CDC42BPA: variants seen among roughly 807,000 people sequenced by gnomAD.
CDC42BPA encodes serine/threonine-protein kinase MRCK alpha.
CDC42BPA carries 80 observed loss-of-function variants against 223.5 expected under a neutral mutation model. The ratio of observed to expected loss-of-function variants is 0.36; its 90% confidence interval spans 0.30 to 0.43. The LOEUF (loss-of-function observed/expected upper bound fraction) is 0.43, where lower values mean the gene tolerates loss of function less well. Among genes scored for constraint, CDC42BPA ranks in the 20% least tolerant of loss-of-function variants. The pLI, the probability that CDC42BPA is intolerant of heterozygous loss-of-function variation, is 1.00. For synonymous variants in CDC42BPA, 694 were observed against 718.6 expected (o/e 0.97, Z 0.55); for missense variants, 1,743 against 2,099.9 (o/e 0.83, Z 3.32).
intron 35 of CDC42BPA, among the ~76,000 whole-genome samples, chr1:226,997,797 T>C (rs1661947668): frequency 6.6e-6 from 1 of 152,228 alleles, no homozygotes; most frequent in African/African-American, 2.4e-5. Flanking sequence ...CTAATTTGAT[T>C]GCACTGTGGT....
At chr1:227,179,393 T>C (rs1667511694) in intron 5 of CDC42BPA, among the ~76,000 whole-genome samples, 1 of 152,056 alleles carries the variant, frequency 6.6e-6, no homozygotes, top group Admixed American at 6.6e-5. Flanking sequence ...TCCCAGCACT[T>C]TGGGAGGCCG....
At chr1:227,015,618 G>T (rs115775979) in intron 34 of CDC42BPA, among the ~76,000 whole-genome samples, 1 of 151,698 alleles carries the variant, frequency 6.6e-6, no homozygotes, top group Non-Finnish European at 1.5e-5. Flanking sequence ...AAAGGAAAAC[G>T]ATTTAATTTC....
chr1:227,150,087 G>A (rs765820703), intron 6 of CDC42BPA, among the ~76,000 whole-genome samples: 2 of 151,958 alleles, frequency 1.3e-5, no homozygotes, highest in East Asian at 3.9e-4. Context: ...AGCTGGACAT[G>A]GTGGCACATG....
At chr1:227,049,016 C>T (rs950228293) in intron 22 of CDC42BPA, among the ~76,000 whole-genome samples, 1 of 151,866 alleles carries the variant, frequency 6.6e-6, no homozygotes, top group Non-Finnish European at 1.5e-5. Context: ...AGTTGAGTTT[C>T]TCAGAGTTTT....
chr1:227,036,407 A>ACAACTT, intron 24 of CDC42BPA, among the ~76,000 whole-genome samples: 1 of 148,526 alleles, frequency 6.7e-6, no homozygotes. Flanking sequence ...GTCATCACAC[A>ACAACTT]CAACTTCAAT....
intron 34 of CDC42BPA, chr1:227,011,074 CAAAA>C: frequency 7.7e-7 from 1 of 1,299,446 alleles, no homozygotes; most frequent in Non-Finnish European, 1.0e-6. Flanking sequence ...CTATCAAAAA[CAAAA>C]GAAAGATGAA....
chr1:227,023,590 G>A (rs1667760423), intron 31 of CDC42BPA, among the ~76,000 whole-genome samples: 1 of 152,084 alleles, frequency 6.6e-6, no homozygotes, highest in Non-Finnish European at 1.5e-5. Flanking sequence ...GAACAAATAA[G>A]TAGAAATACA....
chr1:226,995,757 G>GT (rs1341224622), intron 35 of CDC42BPA, among the ~76,000 whole-genome samples: 1 of 152,138 alleles, frequency 6.6e-6, no homozygotes, highest in Non-Finnish European at 1.5e-5. Context: ...GCTATTGTCA[G>GT]TACCTATTTA....
At chr1:227,316,863 G>A in intron 1 of CDC42BPA, 142 bp downstream of exon 1, 1 of 653,956 alleles carries the variant, frequency 1.5e-6, no homozygotes, top group Non-Finnish European at 2.5e-6. Context: ...AAAAACTAGC[G>A]GAAAATCTTG....
At position 227,265,211 on chromosome 1, in the gene CDC42BPA, A is replaced by C. The variant is rs1684778054; in HGVS notation, c.179-11056T>G. On this transcript the variant is annotated intron_variant, in intron 1 of 36. Transcript: ENST00000366766. ...ACACCAAAGCGTGCTAAAAGTGCAC[A>C]CTTTGGCATCTAACAACCCTGAGGT... 7 of 598,350 alleles carry C rather than the reference A, an allele frequency of 1.2e-5. No homozygotes were observed. The East Asian group carries it at 2.0e-4, about 17-fold the overall frequency. 37.1% of individuals were successfully genotyped at this position (598,350 alleles called of 1,614,324 possible). A position where few individuals can be genotyped will look rare whatever the true frequency, so the allele number is the denominator to read the frequency against.
Position 227,313,612 on chromosome 1 carries a change from T to C in CDC42BPA, c.178+3393A>G, listed in dbSNP as rs575497651. 4.7e-5 allele frequency among the ~76,000 whole-genome samples: 7 copies of C among 149,474 alleles called. No individual in the cohort carries two copies. In the Admixed American group the frequency reaches 4.7e-4, roughly 10 times the overall value. On this transcript the variant is annotated intron_variant, in intron 1 of 36. Coordinates refer to ENST00000366766, the MANE Select transcript of CDC42BPA (RefSeq NM_001394014.1). ...AATAAATGTAATCATCTGTATTAAG[T>C]GAACATTTTGATAATTCGGACTGAT...
chr1:227,136,112 A>G (rs1320386797), intron 10 of CDC42BPA, among the ~76,000 whole-genome samples: 1 of 152,176 alleles, frequency 6.6e-6, no homozygotes, highest in Admixed American at 6.5e-5. Flanking sequence ...AAAGTAACAG[A>G]TAAGGACCTC....
chr1:227,029,093 T>C lies in CDC42BPA; in HGVS notation c.3996A>G (p.Glu1332=). 1.2e-6 allele frequency: 2 copies of C among 1,613,688 alleles called. No individual in the cohort carries two copies. Among genetic ancestry groups the C allele is most frequent in the Non-Finnish European group, 1.7e-6 (2 of 1,180,034 alleles). Residue 1332 remains glutamate (E), a synonymous_variant, in exon 30 of 37, where the codon GAA becomes GAG. Coordinates refer to ENST00000366766, the MANE Select transcript of CDC42BPA (RefSeq NM_001394014.1). ...AAGTTACGGTTTGACACCCTTTAGT[T>C]TCTGACAGCTTGTAAAAATCGGTCT... The part of the protein sequence containing the change: ...GRETDFYKLS[E]TKGCQTVTSG...
chr1:227,088,069 G>GA (rs953159395), intron 16 of CDC42BPA, among the ~76,000 whole-genome samples: 3 of 152,160 alleles, frequency 2.0e-5, no homozygotes, highest in Admixed American at 1.3e-4. Context: ...GAATCGGTTA[G>GA]AAAAAAGTTA....
intron 9 of CDC42BPA, among the ~76,000 whole-genome samples, chr1:227,142,407 G>A (rs980235514): frequency 1.7e-4 from 26 of 152,272 alleles, no homozygotes; most frequent in African/African-American, 5.8e-4. Flanking sequence ...TGCTTCATTG[G>A]TAAGGATTAG....
chr1:227,202,045 G>A (rs778819164), intron 3 of CDC42BPA, among the ~76,000 whole-genome samples: 3 of 152,036 alleles, frequency 2.0e-5, no homozygotes, highest in Non-Finnish European at 4.4e-5. Flanking sequence ...GTGCAGTGGC[G>A]TGATCTCAGC....
chr1:227,141,876 G>A (rs12141838), intron 9 of CDC42BPA, among the ~76,000 whole-genome samples: 21,310 of 152,150 alleles, frequency 0.14, 1,877 homozygotes, highest in South Asian at 0.33. Flanking sequence ...GGCTGAGGCA[G>A]GGGGATCATT....
chr1:226,998,833 GA>G (rs1440604074), intron 35 of CDC42BPA, among the ~76,000 whole-genome samples: 1 of 152,150 alleles, frequency 6.6e-6, no homozygotes, highest in Non-Finnish European at 1.5e-5. Flanking sequence ...CACAGCAAAA[GA>G]AACTACCATC....
chr1:227,001,906 C>A (rs1572169343), intron 35 of CDC42BPA, among the ~76,000 whole-genome samples: 2 of 150,472 alleles, frequency 1.3e-5, no homozygotes, highest in Admixed American at 1.3e-4. Flanking sequence ...GACTCTGTCT[C>A]AAAAAAAACA....
Sources: allele counts gnomAD v4.1 joint callset (sites outside exome capture counted in the v4.1 genomes callset), GRCh38; gene constraint gnomAD v4.1.1; transcripts MANE v1.5; gene names NCBI Gene and HGNC (gene_info 2026-07-23, HGNC 2026-07-21).